Variants in C21orf91 observed in about 807,000 individuals in gnomAD.
C21orf91 encodes chromosome 21 open reading frame 91.
In C21orf91, 26 loss-of-function variants were observed where a neutral mutation model predicts 32.9. That is an observed-to-expected ratio of 0.79 (90% confidence interval 0.58 to 1.10). The LOEUF is 1.10. C21orf91 is among the 50% of genes least tolerant of loss of function. The pLI, the probability that C21orf91 is intolerant of heterozygous loss-of-function variation, is 0.00. For synonymous variants in C21orf91, 126 were observed against 120.4 expected, an observed-to-expected ratio of 1.05 and a Z score of -0.31; for missense variants, 310 against 341.3, an observed-to-expected ratio of 0.91 and a Z score of 0.72.
At chr21:17,813,206 C>T (rs1027131280) in intron 2 of C21orf91, among the ~76,000 whole-genome samples, 8 of 152,178 alleles carry the variant, frequency 5.3e-5, no homozygotes, top group Non-Finnish European at 7.4e-5. Context: ...GGTGGGGCCC[C>T]TTACTTAAGT....
At position 17,809,083 on chromosome 21, in the gene C21orf91, C is replaced by T. The variant is rs139858861; in HGVS notation, c.127+9109G>A. 9.2e-3 allele frequency: 1,423 copies of T among 155,238 alleles called. 8 individuals carry two copies. Among genetic ancestry groups the T allele is most frequent in the African/African-American group, 0.023 (956 of 41,598 alleles). The allele number at this position is 155,238 out of a possible 1,614,324, so 9.6% of individuals were successfully genotyped here. A position where few individuals can be genotyped will look rare whatever the true frequency, so the allele number is the denominator to read the frequency against. ...AAGTTTTCTGCGGCCTCCCCAGCCA[C>T]GCTTCCTGTACAGCCTGCAGAGCTG... On this transcript the variant is annotated intron_variant, in intron 2 of 4. Coordinates refer to ENST00000284881, the MANE Select transcript of C21orf91 (RefSeq NM_001100420.2).
In C21orf91 at chr21:17,812,567, C is replaced by T. The variant is rs547837609; in HGVS notation, c.127+5625G>A. Among the ~76,000 whole-genome samples, 7 of 152,198 alleles carry T rather than the reference C, an allele frequency of 4.6e-5. No homozygotes were observed. In the East Asian group the frequency reaches 9.7e-4, roughly 21 times the overall value. On this transcript the variant is annotated intron_variant, in intron 2 of 4. Coordinates refer to ENST00000284881, the MANE Select transcript of C21orf91 (RefSeq NM_001100420.2). ...GCTCACGCCTGTAATCCCAGCACTT[C>T]GGGAGGCCGAGGTGGGTGCATCACG...
chr21:17,817,100 C>T (rs1157973989), intron 2 of C21orf91, among the ~76,000 whole-genome samples: 1 of 152,126 alleles, frequency 6.6e-6, no homozygotes, highest in Non-Finnish European at 1.5e-5. Context: ...ATTGTAGGAA[C>T]ACACCACTGT....
chr21:17,818,796 G>A (rs1367333282), intron 1 of C21orf91: 2 of 152,648 alleles, frequency 1.3e-5, no homozygotes, highest in Non-Finnish European at 2.9e-5. Context: ...CGAACTCGGA[G>A]TTGCGAAGCT....
Position 17,789,255 on chromosome 21 carries a change from ACACACACACACACACAC to A in C21orf91, c.*4143_*4159del, listed in dbSNP as rs2062452994. ...ACGCTACTGTTTTAAAGCAAGGTTC[ACACACACACACACACAC>A]ACACACACACACACAAAATGGAACT... On this transcript the variant is annotated 3_prime_UTR_variant, in exon 5 of 5. Transcript: ENST00000284881. The A allele has an allele frequency of 1.3e-5, 2 of 149,608 alleles. No homozygotes were observed. Among genetic ancestry groups the A allele is most frequent in the East Asian group, 2.0e-4 (1 of 5,120 alleles). 9.3% of individuals were successfully genotyped at this position (149,608 alleles called of 1,614,324 possible).
intron 2 of C21orf91, among the ~76,000 whole-genome samples, chr21:17,807,743 G>A (rs2062607636): frequency 6.6e-6 from 1 of 152,268 alleles, no homozygotes; most frequent in South Asian, 2.1e-4. Context: ...AAAGAGACTG[G>A]TGGCATTATA....
intron 2 of C21orf91, among the ~76,000 whole-genome samples, chr21:17,799,045 T>G (rs1176086519): frequency 2.0e-5 from 3 of 152,210 alleles, no homozygotes; most frequent in Admixed American, 2.0e-4. Context: ...TCATTCTCAG[T>G]GCACTGCCTC....
chr21:17,808,259 G>A (rs2062611143), intron 2 of C21orf91, among the ~76,000 whole-genome samples: 1 of 152,262 alleles, frequency 6.6e-6, no homozygotes, highest in African/African-American at 2.4e-5. Context: ...GAGAGTGCAA[G>A]CTGTAAGCCT....
Position 17,793,126 on chromosome 21 carries a change from A to C in C21orf91, c.*289T>G, listed in dbSNP as rs2062489954. On this transcript the variant is annotated 3_prime_UTR_variant, in exon 5 of 5. Transcript: ENST00000284881. ...ATCTGTTGTTTTGACAGGTGAATTA[A>C]AATGTTTAATAAAATGACACTGTAA... 10 of 196,036 alleles carry C rather than the reference A, an allele frequency of 5.1e-5. No individual in the cohort carries two copies. The Admixed American group carries it at 5.9e-4, about 12-fold the overall frequency. The allele number at this position is 196,036 out of a possible 1,614,324, so 12.1% of individuals were successfully genotyped here. A position where few individuals can be genotyped will look rare whatever the true frequency, so the allele number is the denominator to read the frequency against.
chr21:17,797,079 C>T lies in C21orf91; in HGVS notation c.167G>A (p.Arg56Lys), dbSNP rs1159208046. ...TTTTTCAAAGCAGTCTTTATGGCCC[C>T]TTAATGATTTGGTGTGCAAGAGATC... ...KSDLLHTKSLRGHKDCFEKYH... is the reference protein window; with the variant it reads ...KSDLLHTKSLKGHKDCFEKYH... Residue 56 changes from arginine to lysine, a missense_variant, in exon 3 of 5, where the codon AGG becomes AAG. By Grantham distance (26) the Arg-to-Lys change is conservative. Transcript: ENST00000284881. 6.2e-7 allele frequency: 1 copy of T among 1,608,876 alleles called. No individual in the cohort carries two copies. Among genetic ancestry groups the T allele is most frequent in the East Asian group, 2.2e-5 (1 of 44,832 alleles).
In C21orf91 at chr21:17,796,810, A is replaced by C; in HGVS notation, c.436T>G (p.Trp146Gly). The change falls in exon 3 of 5, where the codon TGG becomes GGG. Residue 146 changes from tryptophan to glycine, a missense_variant. By Grantham distance (184) the Trp-to-Gly change is radical (BLOSUM62 -2). Coordinates refer to ENST00000284881, the MANE Select transcript of C21orf91 (RefSeq NM_001100420.2). ...DSQVPKYSAK[W>G]IDGSAGGISN... ...ATGCCACCTGCACTTCCATCTATCCATTTTGCAGAATATTTTGGTACTTGG... is the reference window on the plus strand; with the variant it reads ...ATGCCACCTGCACTTCCATCTATCCCTTTTGCAGAATATTTTGGTACTTGG... The C allele has an allele frequency of 6.2e-7, 1 of 1,613,896 alleles. No homozygotes were observed.
rs1280131788 is a variant in C21orf91 at position 17,796,947 on chromosome 21, T to C, written c.299A>G (p.Tyr100Cys). ...LSKKINWIVQYAQNKDLDSDS... is the reference protein window; with the variant it reads ...LSKKINWIVQCAQNKDLDSDS... Reference sequence around the variant, plus strand: ...TGAATCCAGATCCTTATTTTGTGCATACTGCACAATCCAGTTTATCTTCTT... The same window carrying C: ...TGAATCCAGATCCTTATTTTGTGCACACTGCACAATCCAGTTTATCTTCTT... Residue 100 changes from tyrosine to cysteine, a missense_variant, in exon 3 of 5, where the codon TAT (tyrosine) becomes TGT (cysteine). Physicochemically the swap from Tyr to Cys is radical, Grantham distance 194. Transcript: ENST00000284881. The C allele has an allele frequency of 1.9e-6, 3 of 1,611,618 alleles. No individual in the cohort carries two copies. Among genetic ancestry groups the C allele is most frequent in the Non-Finnish European group, 2.5e-6 (3 of 1,177,752 alleles).
intron 2 of C21orf91, among the ~76,000 whole-genome samples, chr21:17,804,007 T>C (rs2062579394): frequency 6.6e-6 from 1 of 152,194 alleles, no homozygotes; most frequent in Non-Finnish European, 1.5e-5. Flanking sequence ...ATTTCCTTAA[T>C]GAAAGCACTT....
At chr21:17,808,168 T>G (rs1257387269) in intron 2 of C21orf91, among the ~76,000 whole-genome samples, 6 of 152,200 alleles carry the variant, frequency 3.9e-5, no homozygotes, top group Non-Finnish European at 7.3e-5. Context: ...TGCGCAACCT[T>G]GAGACACTGC....
At chr21:17,812,071 G>T (rs2062636253) in intron 2 of C21orf91, among the ~76,000 whole-genome samples, 1 of 152,092 alleles carries the variant, frequency 6.6e-6, no homozygotes, top group Non-Finnish European at 1.5e-5. Context: ...AATAGGACAG[G>T]TATAAAAGTC....
At position 17,802,307 on chromosome 21, in the gene C21orf91, C is replaced by A. The variant is rs565010266; in HGVS notation, c.128-5189G>T. Among the ~76,000 whole-genome samples the A allele has an allele frequency of 5.9e-5, 9 of 152,284 alleles. No individual in the cohort carries two copies. The East Asian group carries it at 7.7e-4, about 13-fold the overall frequency. On this transcript the variant is annotated intron_variant, in intron 2 of 4. Transcript: ENST00000284881. ...CCCCAAGTAGCTGGGACTATAGGCACGCACCACCACACGTGGTTAATTTTT... is the reference window on the plus strand; with the variant it reads ...CCCCAAGTAGCTGGGACTATAGGCAAGCACCACCACACGTGGTTAATTTTT...
chr21:17,793,230 G>A lies in C21orf91; in HGVS notation c.*185C>T. On this transcript the variant is annotated 3_prime_UTR_variant, in exon 5 of 5. Coordinates refer to ENST00000284881, the MANE Select transcript of C21orf91 (RefSeq NM_001100420.2). ...AAAGAGTCCCCAAATGAGCCAAAAT[G>A]ATTAGCCCTAGAAGACTAGAGTATA... The A allele has an allele frequency of 2.5e-6, 1 of 398,188 alleles. No homozygotes were observed. Among genetic ancestry groups the A allele is most frequent in the African/African-American group, 2.1e-5 (1 of 48,702 alleles). The allele number at this position is 398,188 out of a possible 1,614,324, so 24.7% of individuals were successfully genotyped here. A position where few individuals can be genotyped will look rare whatever the true frequency, so the allele number is the denominator to read the frequency against.
At chr21:17,797,232 G>GA in intron 2 of C21orf91, 114 bp from the exon 3 acceptor site, 1 of 612,896 alleles carries the variant, frequency 1.6e-6, no homozygotes, top group Non-Finnish European at 2.8e-6. Context: ...TGAATTAGAG[G>GA]AAAAATGCTA....
chr21:17,805,622 GATATATTA>G (rs1211047375), intron 2 of C21orf91, among the ~76,000 whole-genome samples: 1 of 152,032 alleles, frequency 6.6e-6, no homozygotes, highest in Non-Finnish European at 1.5e-5. Context: ...CTAGCGTACT[GATATATTA>G]ATATGGGATA....
Sources: gnomAD v4.1 joint callset for allele counts (sites outside exome capture counted in the v4.1 genomes callset) on GRCh38, gnomAD v4.1.1 for gene constraint, MANE v1.5 for transcripts, NCBI Gene and HGNC (gene_info 2026-07-23, HGNC 2026-07-21) for gene names.